The following DDX49 variants were observed in gnomAD, a reference collection of about 807,000 sequenced individuals.
The protein encoded by DDX49 is probable ATP-dependent RNA helicase DDX49.
A neutral mutation model predicts 56.3 loss-of-function variants in DDX49; 50 were observed. The ratio of observed to expected loss-of-function variants is 0.89; its 90% CI spans 0.71 to 1.12. The LOEUF (loss-of-function observed/expected upper bound fraction) is 1.12. Ranked by LOEUF, DDX49 falls within the 50% of genes most tolerant of loss-of-function variation. DDX49 has a pLI of 0.00. For synonymous variants in DDX49, 269 were observed against 270.6 expected, an observed-to-expected ratio of 0.99 and a Z score of 0.06; for missense variants, 614 against 650.5, an observed-to-expected ratio of 0.94 and a Z score of 0.61.
At chr19:18,925,097 T>C (rs549837426) in intron 9 of DDX49, 118 bp downstream of exon 9, 122 of 1,315,834 alleles carry the variant, frequency 9.3e-5, no homozygotes, top group Non-Finnish European at 1.2e-4. Flanking sequence ...CTCAGGGCCA[T>C]GTTTGCAAGT....
Position 18,928,385 on chromosome 19 carries a change from G to A in DDX49, c.*69G>A. On this transcript the variant is annotated 3_prime_UTR_variant, in exon 13 of 13. Transcript: ENST00000247003. Reference sequence around the variant, plus strand: ...CTGAGGGTCGGAGGAACCTTCCTTGGGGGCAGCAGCCCTTCCCGGGGGCCT... The same window carrying A: ...CTGAGGGTCGGAGGAACCTTCCTTGAGGGCAGCAGCCCTTCCCGGGGGCCT... 1 of 1,417,356 alleles carries A rather than the reference G, an allele frequency of 7.1e-7. No homozygotes were observed. The highest frequency in any genetic ancestry group is 9.3e-7 in the Non-Finnish European group (1 of 1,077,966). 87.8% of individuals were successfully genotyped at this position (1,417,356 alleles called of 1,614,324 possible).
Position 18,924,637 on chromosome 19 carries a change from C to T in DDX49, c.867C>T (p.Ala289=), listed in dbSNP as rs138306122. ...ACCCTGTGCAGAAAGAACGCTTTGCCGCCCTAGCCAAGTTCAAGTCCAGCA... is the reference window on the plus strand; with the variant it reads ...ACCCTGTGCAGAAAGAACGCTTTGCTGCCCTAGCCAAGTTCAAGTCCAGCA... ...HSMMKQKERF[A]ALAKFKSSIY... The change falls in exon 8 of 13, where the codon GCC becomes GCT. Residue 289 remains alanine, a synonymous_variant. Transcript: ENST00000247003. 46 of 1,614,092 alleles carry T rather than the reference C, an allele frequency of 2.8e-5. No homozygotes were observed. Among genetic ancestry groups the T allele is most frequent in the African/African-American group, 2.8e-4 (21 of 74,926 alleles).
chr19:18,927,749 C>A lies in DDX49; in HGVS notation c.1103-17C>A. ...GTCTCCTCCCCACCCCCACCCCCGG[C>A]TTTGCTGTCCCCACAGAGAAGAAGC... On this transcript the variant is annotated splice_polypyrimidine_tract_variant and intron_variant, in intron 10 of 12. Coordinates refer to ENST00000247003, the MANE Select transcript of DDX49 (RefSeq NM_019070.5). 6.2e-7 allele frequency: 1 copy of A among 1,609,196 alleles called. No individual in the cohort carries two copies. The highest frequency in any genetic ancestry group is 1.1e-5 in the South Asian group (1 of 90,942).
In DDX49 at chr19:18,927,949, C is replaced by A. The variant is rs774214519; in HGVS notation, c.1192-16C>A. The A allele has an allele frequency of 8.1e-6, 13 of 1,613,868 alleles. No individual in the cohort carries two copies. Among genetic ancestry groups the A allele is most frequent in the Admixed American group, 3.3e-5 (2 of 59,988 alleles). ...CCCCGTGACCAGCATCTCCTTACCC[C>A]ACTTCCCTCCACCAGAAACTGGAGG... On this transcript the variant is annotated splice_polypyrimidine_tract_variant and intron_variant, in intron 11 of 12. Coordinates refer to ENST00000247003, the MANE Select transcript of DDX49 (RefSeq NM_019070.5).
Position 18,928,123 on chromosome 19 carries a change from G to C in DDX49, c.1264-5G>C, listed in dbSNP as rs940100952. ...TCAGCCATCCCCTGGTCCTCCCTGT[G>C]CCAGGACCCTGACCTGGAGGCCAAG... is the stretch of plus-strand genomic sequence containing the variant. On this transcript the variant is annotated splice_polypyrimidine_tract_variant and splice_region_variant and intron_variant, in intron 12 of 12. Transcript: ENST00000247003. The C allele has an allele frequency of 6.2e-7, 1 of 1,610,422 alleles. No individual in the cohort carries two copies. The highest frequency in any genetic ancestry group is 1.1e-5 in the South Asian group (1 of 90,846).
In DDX49 at chr19:18,924,649, G is replaced by A. The variant is rs369023005; in HGVS notation, c.879G>A (p.Lys293=). The A allele has an allele frequency of 7.4e-6, 12 of 1,614,234 alleles. No individual in the cohort carries two copies. The highest frequency in any genetic ancestry group is 2.2e-5 in the East Asian group (1 of 44,890). The part of the protein sequence containing the change: ...KQKERFAALA[K]FKSSIYRILI... ...AAGAACGCTTTGCCGCCCTAGCCAA[G>A]TTCAAGTCCAGCATCTACCGGATCC... Residue 293 remains lysine, a synonymous_variant, in exon 8 of 13, where the codon AAG becomes AAA. Coordinates refer to ENST00000247003, the MANE Select transcript of DDX49 (RefSeq NM_019070.5).
chr19:18,923,053 T>C (rs1324678559), intron 6 of DDX49, among the ~76,000 whole-genome samples: 2 of 152,096 alleles, frequency 1.3e-5, no homozygotes, highest in African/African-American at 2.4e-5. Flanking sequence ...TCAGAGGAAG[T>C]TGTGACAACT....
Position 18,924,652 on chromosome 19 carries a change from C to T in DDX49, c.882C>T (p.Phe294=), listed in dbSNP as rs780460489. 6.2e-7 allele frequency: 1 copy of T among 1,614,240 alleles called. No homozygotes were observed. The highest frequency in any genetic ancestry group is 1.1e-5 in the South Asian group (1 of 91,082). ...AACGCTTTGCCGCCCTAGCCAAGTT[C>T]AAGTCCAGCATCTACCGGATCCTGA... ...QKERFAALAK[F]KSSIYRILIA... is the part of the protein sequence containing the mutation. The change falls in exon 8 of 13, where the codon TTC becomes TTT. Residue 294 remains phenylalanine, a synonymous_variant. Coordinates refer to ENST00000247003, the MANE Select transcript of DDX49 (RefSeq NM_019070.5).
chr19:18,922,608 A>T lies in DDX49; in HGVS notation c.640A>T (p.Ser214Cys). ...GGTCTATCTGTCCATCCCCAGGGTG[A>T]GCACCGTGGAGCAGCTGGACCAGCG... ...PFFWEAQAPV[S>C]TVEQLDQRYL... is the part of the protein sequence containing the mutation. The change falls in exon 6 of 13, where the codon AGC (serine) becomes TGC (cysteine). Residue 214 changes from serine (S) to cysteine (C), a missense_variant. By Grantham distance (112) the Ser-to-Cys change is moderately radical (BLOSUM62 -1). Coordinates refer to ENST00000247003, the MANE Select transcript of DDX49 (RefSeq NM_019070.5). 2 of 1,611,680 alleles carry T rather than the reference A, an allele frequency of 1.2e-6. No homozygotes were observed. The highest frequency in any genetic ancestry group is 1.7e-5 in the Admixed American group (1 of 59,978).
chr19:18,919,777 G>A lies in DDX49; in HGVS notation c.36G>A (p.Trp12Ter), dbSNP rs755791901. ...TCGCGGAGCTCGGGCTGTCATCGTG[G>A]CTCGTGGAACAATGTCGGCAGCTGG... is the stretch of plus-strand genomic sequence containing the variant. ...AGFAELGLSSWLVEQCRQLGL... is the reference protein window; with the variant it reads ...AGFAELGLSS Residue 12 changes from tryptophan to a stop codon, truncating the protein, a stop_gained, in exon 1 of 13, where the codon TGG becomes TGA. Coordinates refer to ENST00000247003, the MANE Select transcript of DDX49 (RefSeq NM_019070.5). LOFTEE classifies it high-confidence loss of function. The A allele has an allele frequency of 6.2e-7, 1 of 1,612,702 alleles. No individual in the cohort carries two copies. Among genetic ancestry groups the A allele is most frequent in the Non-Finnish European group, 8.5e-7 (1 of 1,179,194 alleles).
At chr19:18,926,172 G>C in intron 9 of DDX49, 131 bp from the exon 10 acceptor site, 1 of 943,742 alleles carries the variant, frequency 1.1e-6, no homozygotes. Context: ...ACTCTGGGCT[G>C]ATCCCTCCCA....
At position 18,919,763 on chromosome 19, in the gene DDX49, G is replaced by C. The variant is rs1271145722; in HGVS notation, c.22G>C (p.Gly8Arg). The C allele has an allele frequency of 4.3e-6, 7 of 1,611,854 alleles. No homozygotes were observed. Among genetic ancestry groups the C allele is most frequent in the Non-Finnish European group, 5.9e-6 (7 of 1,178,486 alleles). ...AAGGATGGCAGGCTTCGCGGAGCTC[G>C]GGCTGTCATCGTGGCTCGTGGAACA... is the stretch of plus-strand genomic sequence containing the variant. MAGFAEL[G>R]LSSWLVEQCR... Residue 8 changes from glycine to arginine, a missense_variant, in exon 1 of 13, where the codon GGG (glycine) becomes CGG (arginine). By Grantham distance (125) the Gly-to-Arg change is moderately radical. Transcript: ENST00000247003.
chr19:18,927,807 C>T lies in DDX49; in HGVS notation c.1144C>T (p.Leu382=). The change falls in exon 11 of 13, where the codon CTA becomes TTA. Residue 382 remains leucine, a synonymous_variant. Coordinates refer to ENST00000247003, the MANE Select transcript of DDX49 (RefSeq NM_019070.5). The part of the protein sequence containing the change: ...EEFSVEEAEV[L]QILTQVNVVR... ...GTTCTCCGTGGAAGAGGCCGAGGTGCTACAGATCCTCACACAGGTCAACGT... is the reference window on the plus strand; with the variant it reads ...GTTCTCCGTGGAAGAGGCCGAGGTGTTACAGATCCTCACACAGGTCAACGT... 6.2e-7 allele frequency: 1 copy of T among 1,613,988 alleles called. No homozygotes were observed. Among genetic ancestry groups the T allele is most frequent in the Non-Finnish European group, 8.5e-7 (1 of 1,180,010 alleles).
chr19:18,926,842 G>A (rs2056964906), intron 10 of DDX49, among the ~76,000 whole-genome samples: 1 of 152,150 alleles, frequency 6.6e-6, no homozygotes, highest in East Asian at 1.9e-4. Flanking sequence ...AGAGGCCGAG[G>A]TGGGCGGATC....
chr19:18,921,654 C>A lies in DDX49; in HGVS notation c.240-9C>A, dbSNP rs762364456. On this transcript the variant is annotated splice_polypyrimidine_tract_variant and intron_variant, in intron 2 of 12. Transcript: ENST00000247003. ...TACCTGACCCAGCCTGGCCCCTTCA[C>A]ACCCACAGGGAGCTGGCCTACCAGA... 2 of 1,613,952 alleles carry A rather than the reference C, an allele frequency of 1.2e-6. No homozygotes were observed. Among genetic ancestry groups the A allele is most frequent in the East Asian group, 4.5e-5 (2 of 44,878 alleles).
rs767486527 is a variant in DDX49, at chr19:18,924,251, C to A, written c.795C>A (p.Cys265Ter). 6.2e-7 allele frequency: 1 copy of A among 1,614,054 alleles called. No homozygotes were observed. Among genetic ancestry groups the A allele is most frequent in the South Asian group, 1.1e-5 (1 of 91,082 alleles). Residue 265 changes from cysteine to a stop codon, truncating the protein, a stop_gained, in exon 7 of 13, where the codon TGC (cysteine) becomes TGA (stop). Transcript: ENST00000247003. LOFTEE classifies it high-confidence loss of function. Reference protein sequence around the residue: ...TNTCKTCQILCMMLRKFSFPT... With the variant: ...TNTCKTCQIL ...CCGCCAGGACCTGCCAGATTCTGTG[C>A]ATGATGCTGCGCAAATTCAGCTTCC...
At chr19:18,924,127 G>A (rs1347676065) in intron 6 of DDX49, 106 bp from the exon 7 acceptor site, 1 of 1,104,540 alleles carries the variant, frequency 9.1e-7, no homozygotes, top group South Asian at 1.3e-5. Flanking sequence ...TCCTTTCTAA[G>A]CTGCATGAGG....
intron 6 of DDX49, 42 bp from the exon 7 acceptor site, chr19:18,924,191 C>A: frequency 6.2e-7 from 1 of 1,605,182 alleles, no homozygotes; most frequent in Non-Finnish European, 8.5e-7. Context: ...CTTCCCAGAA[C>A]CTGAGAGCTG....
rs2056985526 is a variant in DDX49 at position 18,928,582 on chromosome 19, G to A, written c.*266G>A. On this transcript the variant is annotated 3_prime_UTR_variant, in exon 13 of 13. Transcript: ENST00000247003. Reference sequence around the variant, plus strand: ...CCCCAACCCAAGGTCACCCCCCAGGGGTGCCGCATACAGGAGGTGCTTAAT... The same window carrying A: ...CCCCAACCCAAGGTCACCCCCCAGGAGTGCCGCATACAGGAGGTGCTTAAT... 2.1e-6 allele frequency: 1 copy of A among 473,086 alleles called. No homozygotes were observed. The highest frequency in any genetic ancestry group is 3.3e-5 in the South Asian group (1 of 30,192). 29.3% of individuals were successfully genotyped at this position (473,086 alleles called of 1,614,324 possible). A position where few individuals can be genotyped will look rare whatever the true frequency, so the allele number is the denominator to read the frequency against.
Sources: allele counts gnomAD v4.1 joint callset (sites outside exome capture counted in the v4.1 genomes callset), GRCh38; gene constraint gnomAD v4.1.1; transcripts MANE v1.5; gene names NCBI Gene and HGNC (gene_info 2026-07-23, HGNC 2026-07-21).